CNTNAP2: variants seen among roughly 807,000 people sequenced by gnomAD.
CNTNAP2 encodes contactin associated protein 2.
CNTNAP2 carries 98 observed loss-of-function variants against 155.2 expected under a neutral mutation model. The observed-to-expected ratio is 0.63, with a 90% CI of 0.54 to 0.75. CNTNAP2 has a LOEUF of 0.75. Among genes scored for constraint, CNTNAP2 ranks in the 30% least tolerant of loss-of-function variants. The pLI, the probability that CNTNAP2 is intolerant of heterozygous loss-of-function variation, is 0.00. For synonymous variants in CNTNAP2, 651 were observed against 631.2 expected, an observed-to-expected ratio of 1.03 and a Z score of -0.47; for missense variants, 1,727 against 1,688.1, an observed-to-expected ratio of 1.02 and a Z score of -0.40.
chr7:146,640,964 A>G (rs1181581860), intron 1 of CNTNAP2, among the ~76,000 whole-genome samples: 2 of 152,194 alleles, frequency 1.3e-5, no homozygotes, highest in Non-Finnish European at 2.9e-5. Flanking sequence ...GAAAATGCCT[A>G]AAATGTGAAT....
At chr7:146,300,831 A>T (rs1223058492) in intron 1 of CNTNAP2, among the ~76,000 whole-genome samples, 1 of 152,320 alleles carries the variant, frequency 6.6e-6, no homozygotes, top group South Asian at 2.1e-4. Flanking sequence ...TGCTGTAATT[A>T]TATCGTACAT....
intron 1 of CNTNAP2, among the ~76,000 whole-genome samples, chr7:146,393,442 CCATGATGGT>C (rs1795573955): frequency 1.3e-5 from 2 of 152,248 alleles, no homozygotes; most frequent in South Asian, 2.1e-4. Context: ...CTTAATGTGG[CCATGATGGT>C]GTCTTGCATT....
intron 21 of CNTNAP2, among the ~76,000 whole-genome samples, chr7:148,300,939 G>T (rs765253156): frequency 6.6e-5 from 10 of 152,160 alleles, no homozygotes; most frequent in Admixed American, 4.6e-4. Flanking sequence ...CCAGAGATGG[G>T]TGGTGGTGAT....
chr7:146,941,904 C>T (rs960993635), intron 3 of CNTNAP2, among the ~76,000 whole-genome samples: 1 of 151,698 alleles, frequency 6.6e-6, no homozygotes, highest in Non-Finnish European at 1.5e-5. Context: ...CTGCTTTAGT[C>T]TTGCTGTTTT....
intron 1 of CNTNAP2, among the ~76,000 whole-genome samples, chr7:146,616,815 C>T (rs950150526): frequency 2.7e-5 from 4 of 150,922 alleles, no homozygotes; most frequent in Non-Finnish European, 5.9e-5. Context: ...TTTGCTCAAT[C>T]TCACTGAGAG....
chr7:146,152,350 A>G (rs1367479848), intron 1 of CNTNAP2, among the ~76,000 whole-genome samples: 1 of 152,116 alleles, frequency 6.6e-6, no homozygotes, highest in Non-Finnish European at 1.5e-5. Flanking sequence ...AGCTGTGTTT[A>G]CAGGCGAGGG....
intron 11 of CNTNAP2, among the ~76,000 whole-genome samples, chr7:147,527,066 G>A (rs1799337899): frequency 8.6e-6 from 1 of 116,780 alleles, no homozygotes; most frequent in African/African-American, 3.8e-5. Context: ...TCTGTCACCT[G>A]GGCTGGAGTG....
intron 15 of CNTNAP2, among the ~76,000 whole-genome samples, chr7:148,077,124 A>G (rs1803502749): frequency 6.6e-6 from 1 of 152,074 alleles, no homozygotes; most frequent in African/African-American, 2.4e-5. Context: ...CCTGACCAAC[A>G]TGGAGAAACC....
intron 1 of CNTNAP2, among the ~76,000 whole-genome samples, chr7:146,548,910 T>C (rs1227100147): frequency 6.6e-6 from 1 of 151,614 alleles, no homozygotes; most frequent in Admixed American, 6.6e-5. Context: ...GCTTTAGGTG[T>C]CAGAGTCATG....
intron 1 of CNTNAP2, among the ~76,000 whole-genome samples, chr7:146,481,461 C>T (rs1052590683): frequency 6.6e-6 from 1 of 152,220 alleles, no homozygotes; most frequent in African/African-American, 2.4e-5. Context: ...AAACCATCTA[C>T]TGCGCAGTGT....
At chr7:146,556,461 A>G (rs1179953035) in intron 1 of CNTNAP2, among the ~76,000 whole-genome samples, 1 of 152,212 alleles carries the variant, frequency 6.6e-6, no homozygotes, top group East Asian at 1.9e-4. Context: ...TAAATCATGC[A>G]GAACAGCGTA....
At chr7:147,543,249 T>C (rs962099520) in intron 11 of CNTNAP2, among the ~76,000 whole-genome samples, 3 of 152,244 alleles carry the variant, frequency 2.0e-5, no homozygotes, top group African/African-American at 7.2e-5. Flanking sequence ...CAGGAACTTA[T>C]CCTTAAGGCA....
At chr7:147,868,265 G>C (rs1032419549) in intron 13 of CNTNAP2, among the ~76,000 whole-genome samples, 1 of 152,138 alleles carries the variant, frequency 6.6e-6, no homozygotes. Context: ...GTTTTCTTGG[G>C]TATCACCAGC....
chr7:147,561,676 A>C (rs1205173819), intron 11 of CNTNAP2, among the ~76,000 whole-genome samples: 2 of 152,142 alleles, frequency 1.3e-5, no homozygotes, highest in Non-Finnish European at 2.9e-5. Flanking sequence ...AACTATGCAA[A>C]AAATAAGTGT....
intron 3 of CNTNAP2, among the ~76,000 whole-genome samples, chr7:147,007,135 T>C (rs1024939926): frequency 6.6e-6 from 1 of 152,122 alleles, no homozygotes; most frequent in Non-Finnish European, 1.5e-5. Context: ...TTTTTACTAT[T>C]ATGATGAGCA....
intron 1 of CNTNAP2, among the ~76,000 whole-genome samples, chr7:146,568,543 AT>A (rs1267741577): frequency 6.6e-6 from 1 of 152,184 alleles, no homozygotes; most frequent in Non-Finnish European, 1.5e-5. Flanking sequence ...CTCTAACAAT[AT>A]TTGTTCCTAT....
chr7:147,363,261 A>G (rs1400981225), intron 9 of CNTNAP2, among the ~76,000 whole-genome samples: 1 of 152,214 alleles, frequency 6.6e-6, no homozygotes, highest in Non-Finnish European at 1.5e-5. Flanking sequence ...TACTGTCAAC[A>G]AGCCGGAATG....
intron 10 of CNTNAP2, among the ~76,000 whole-genome samples, chr7:147,414,941 C>CAAAAAAAAAAAAAAAAAAAAAAAA (rs67048724): frequency 2.4e-4 from 12 of 50,976 alleles, no homozygotes; most frequent in Non-Finnish European, 4.1e-4. Context: ...GACTCCTTCT[C>CAAAAAAAAAAAAAAAAAAAAAAAA]AAAAAAAAAA....
At chr7:146,328,147 A>G (rs1801126431) in intron 1 of CNTNAP2, among the ~76,000 whole-genome samples, 1 of 152,192 alleles carries the variant, frequency 6.6e-6, no homozygotes, top group South Asian at 2.1e-4. Flanking sequence ...CAACGATGGC[A>G]TTTAGATTCT....
Sources: gnomAD v4.1 joint callset for allele counts (sites outside exome capture counted in the v4.1 genomes callset) on GRCh38, gnomAD v4.1.1 for gene constraint, MANE v1.5 for transcripts, NCBI Gene and HGNC (gene_info 2026-07-23, HGNC 2026-07-21) for gene names.